HSD11B2: variants seen among roughly 807,000 people sequenced by gnomAD.
HSD11B2 encodes the protein 11-beta-hydroxysteroid dehydrogenase type 2.
A neutral mutation model predicts 20.9 loss-of-function variants in HSD11B2; 17 were observed. The observed-to-expected ratio is 0.81, with a 90% CI of 0.56 to 1.22. HSD11B2 has a LOEUF of 1.22. HSD11B2 is among the 50% of genes most tolerant of loss of function. HSD11B2 has a pLI of 0.00. For missense variants in HSD11B2, 480 were observed against 563.6 expected (o/e 0.85, Z 1.50); for synonymous variants, 253 against 255.4 (o/e 0.99, Z 0.09).
rs2040984559 is a variant in HSD11B2, at chr16:67,437,199, G to A, written c.*196G>A. ...CCAAGGTTTCCCAGTGAGCCTCTGC[G>A]CCTCTCCACTGTTTCATGAGCCCAA... On this transcript the variant is annotated 3_prime_UTR_variant, in exon 5 of 5. Transcript: ENST00000326152. 6 of 620,152 alleles carry A rather than the reference G, an allele frequency of 9.7e-6. No individual in the cohort carries two copies. The highest frequency in any genetic ancestry group is 3.9e-5 in the South Asian group (2 of 51,180). 38.4% of individuals were successfully genotyped at this position (620,152 alleles called of 1,614,324 possible).
At position 67,431,408 on chromosome 16, in the gene HSD11B2, C is replaced by G; in HGVS notation, c.160C>G (p.Pro54Ala). 1 of 1,279,390 alleles carries G rather than the reference C, an allele frequency of 7.8e-7. No individual in the cohort carries two copies. Among genetic ancestry groups the G allele is most frequent in the Non-Finnish European group, 9.8e-7 (1 of 1,015,594 alleles). 79.3% of individuals were successfully genotyped at this position (1,279,390 alleles called of 1,614,324 possible). A position where few individuals can be genotyped will look rare whatever the true frequency, so the allele number is the denominator to read the frequency against. ...CTGGCTGTGCCAGCGCCTGCTGCCC[C>G]CGCCGGCCGCACTCGCCGTGCTGGC... ...LDWLCQRLLPPPAALAVLAAA... is the reference protein window; with the variant it reads ...LDWLCQRLLPAPAALAVLAAA... Residue 54 changes from proline (P) to alanine (A), a missense_variant, in exon 1 of 5, where the codon CCG (proline) becomes GCG (alanine). Pro to Ala is a conservative substitution (Grantham distance 27). This residue lies in a region of HSD11B2 where 106 missense variants were observed against 82.8 expected (regional missense o/e 1.28). Coordinates refer to ENST00000326152, the MANE Select transcript of HSD11B2 (RefSeq NM_000196.4).
At chr16:67,433,779 C>T (rs962879109) in intron 1 of HSD11B2, among the ~76,000 whole-genome samples, 2 of 152,074 alleles carry the variant, frequency 1.3e-5, no homozygotes, top group Admixed American at 6.5e-5. Flanking sequence ...TACCCCTCCT[C>T]AGCAGGAGCT....
Position 67,436,766 on chromosome 16 carries a change from T to C in HSD11B2, c.981T>C (p.Asp327=), listed in dbSNP as rs1378377885. The C allele has an allele frequency of 4.2e-5, 67 of 1,613,884 alleles. No homozygotes were observed. The highest frequency in any genetic ancestry group is 5.7e-5 in the Non-Finnish European group (67 of 1,180,040). The stretch of plus-strand genomic sequence containing the variant: ...CCCCAGTTGTAGATGCCATCACAGA[T>C]GCGCTGCTGGCAGCTCGGCCCCGCC... ...DLTPVVDAIT[D]ALLAARPRRR... The change falls in exon 5 of 5, where the codon GAT becomes GAC. Residue 327 remains aspartate, a synonymous_variant. Transcript: ENST00000326152. The surrounding 1 kb of genome is among the most constrained non-coding windows in gnomAD (Gnocchi z 5.7).
chr16:67,430,391 A>G (rs1387063383), upstream of HSD11B2, among the ~76,000 whole-genome samples: 4 of 152,122 alleles, frequency 2.6e-5, no homozygotes, highest in Non-Finnish European at 1.5e-5. The surrounding 1 kb of genome is among the most constrained non-coding windows in gnomAD (Gnocchi z 5.4). Flanking sequence ...ACTGACCCCC[A>G]CACACATACA....
intron 1 of HSD11B2, among the ~76,000 whole-genome samples, chr16:67,435,202 CAAAA>C (rs61663548): frequency 6.3e-5 from 4 of 63,080 alleles, no homozygotes; most frequent in Admixed American, 5.3e-4. Flanking sequence ...GACCCTGTCT[CAAAA>C]AAAAAAAAAA....
In HSD11B2 at chr16:67,431,194, TCCCCGCTCCCCGGCCCGGCCCCCG is replaced by T; in HGVS notation, c.-48_-25del. 1 of 1,034,714 alleles carries T rather than the reference TCCCCGCTCCCCGGCCCGGCCCCCG, an allele frequency of 9.7e-7. No individual in the cohort carries two copies. Among genetic ancestry groups the T allele is most frequent in the Non-Finnish European group, 1.2e-6 (1 of 838,478 alleles). The allele number at this position is 1,034,714 out of a possible 1,614,324, so 64.1% of individuals were successfully genotyped here. A position where few individuals can be genotyped will look rare whatever the true frequency, so the allele number is the denominator to read the frequency against. The stretch of plus-strand genomic sequence containing the variant: ...CGCGCCCCGGCCTAGAAGCTCTCTC[TCCCCGCTCCCCGGCCCGGCCCCCG>T]CCCCGCCCCGCCCCAGCCCGCTGGG... On this transcript the variant is annotated 5_prime_UTR_variant, in exon 1 of 5. Transcript: ENST00000326152.
rs964433254 is a variant in HSD11B2, at chr16:67,431,220, C to T, written c.-29C>T. On this transcript the variant is annotated 5_prime_UTR_variant, in exon 1 of 5. Coordinates refer to ENST00000326152, the MANE Select transcript of HSD11B2 (RefSeq NM_000196.4). The stretch of plus-strand genomic sequence containing the variant: ...CCCCGCTCCCCGGCCCGGCCCCCGC[C>T]CCGCCCCGCCCCAGCCCGCTGGGCC... The T allele has an allele frequency of 4.3e-6, 5 of 1,165,116 alleles. No homozygotes were observed. The highest frequency in any genetic ancestry group is 1.6e-5 in the African/African-American group (1 of 61,324). The allele number at this position is 1,165,116 out of a possible 1,614,324, so 72.2% of individuals were successfully genotyped here.
intron 1 of HSD11B2, 75 bp from the exon 2 acceptor site, chr16:67,435,553 C>T: frequency 8.3e-7 from 1 of 1,204,418 alleles, no homozygotes; most frequent in Non-Finnish European, 1.2e-6. Flanking sequence ...CCCATCCAGA[C>T]CCTGGTGATT....
intron 1 of HSD11B2, among the ~76,000 whole-genome samples, chr16:67,433,837 G>A (rs1156587873): frequency 1.3e-5 from 2 of 151,004 alleles, no homozygotes; most frequent in African/African-American, 4.9e-5. Flanking sequence ...GTGGAGCTGA[G>A]ATGGGGAGAC....
intron 1 of HSD11B2, among the ~76,000 whole-genome samples, chr16:67,433,729 T>C (rs74026405): frequency 0.067 from 6,942 of 102,890 alleles, 222 homozygotes; most frequent in African/African-American, 0.26. Context: ...CACACACACA[T>C]ATGCTTGCCT....
Position 67,435,968 on chromosome 16 carries a change from C to A in HSD11B2, c.490C>A (p.Leu164Ile). 1 of 1,614,190 alleles carries A rather than the reference C, an allele frequency of 6.2e-7. No individual in the cohort carries two copies. The highest frequency in any genetic ancestry group is 8.5e-7 in the Non-Finnish European group (1 of 1,180,040). ...CTCTGTGACCCCAGGCCTGTGGGGC[C>A]TCGTCAACAACGCAGGCCACAATGA... Reference protein sequence around the residue: ...AHTTSTGLWGLVNNAGHNEVV... With the variant: ...AHTTSTGLWGIVNNAGHNEVV... The change falls in exon 3 of 5, where the codon CTC becomes ATC. Residue 164 changes from leucine to isoleucine, a missense_variant. Coordinates refer to ENST00000326152, the MANE Select transcript of HSD11B2 (RefSeq NM_000196.4).
Position 67,431,364 on chromosome 16 carries a change from C to T in HSD11B2, c.116C>T (p.Ala39Val). ...RLGRPLLAAL[A>V]LLAALDWLCQ... ...GGCCGCCCGCTGCTGGCGGCGCTGG[C>T]GCTGCTGGCCGCGCTCGACTGGCTG... Residue 39 changes from alanine (A) to valine (V), a missense_variant, in exon 1 of 5, where the codon GCG becomes GTG. Physicochemically the swap from Ala to Val is moderately conservative, Grantham distance 64 (BLOSUM62 0). Around this residue, in one of 2 missense-constraint regions of HSD11B2, gnomAD observed 106 missense variants for 82.8 expected, o/e 1.28. Coordinates refer to ENST00000326152, the MANE Select transcript of HSD11B2 (RefSeq NM_000196.4). The T allele has an allele frequency of 2.4e-6, 3 of 1,243,968 alleles. No individual in the cohort carries two copies. Among genetic ancestry groups the T allele is most frequent in the Non-Finnish European group, 3.0e-6 (3 of 985,338 alleles). 77.1% of individuals were successfully genotyped at this position (1,243,968 alleles called of 1,614,324 possible). A position where few individuals can be genotyped will look rare whatever the true frequency, so the allele number is the denominator to read the frequency against.
In HSD11B2 at chr16:67,431,301, G is replaced by T; in HGVS notation, c.53G>T (p.Arg18Leu). 1 of 1,262,100 alleles carries T rather than the reference G, an allele frequency of 7.9e-7. No homozygotes were observed. Among genetic ancestry groups the T allele is most frequent in the Non-Finnish European group, 1.0e-6 (1 of 993,422 alleles). 78.2% of individuals were successfully genotyped at this position (1,262,100 alleles called of 1,614,324 possible). Residue 18 changes from arginine (R) to leucine (L), a missense_variant, in exon 1 of 5, where the codon CGC becomes CTC. Arg to Leu is a moderately radical substitution (Grantham distance 102). This residue lies in a region of HSD11B2 where 106 missense variants were observed against 82.8 expected (regional missense o/e 1.28). Coordinates refer to ENST00000326152, the MANE Select transcript of HSD11B2 (RefSeq NM_000196.4). The stretch of plus-strand genomic sequence containing the variant: ...GGCGCCTGGCTGCTCGTGGCTGCCC[G>T]CGCGCTGCTGCAGCTGCTGCGCTCA... ...SGGAWLLVAARALLQLLRSDL... is the reference protein window; with the variant it reads ...SGGAWLLVAALALLQLLRSDL...
chr16:67,431,647 G>C, intron 1 of HSD11B2, 134 bp downstream of exon 1: 2 of 999,276 alleles, frequency 2.0e-6, no homozygotes, highest in Non-Finnish European at 2.5e-6. Context: ...TCCACCCCTG[G>C]GTGCAGGGAG....
At chr16:67,431,993 G>T (rs2040936987) in intron 1 of HSD11B2, among the ~76,000 whole-genome samples, 1 of 152,068 alleles carries the variant, frequency 6.6e-6, no homozygotes, top group African/African-American at 2.4e-5. Flanking sequence ...TCCCCCACTG[G>T]CTGGGATCCT....
At chr16:67,435,136 G>A (rs2142287978) in intron 1 of HSD11B2, among the ~76,000 whole-genome samples, 1 of 151,176 alleles carries the variant, frequency 6.6e-6, no homozygotes, top group East Asian at 1.9e-4. Context: ...CCCAGGAGGG[G>A]AGGTTGCAGT....
Position 67,437,193 on chromosome 16 carries a change from C to G in HSD11B2, c.*190C>G. ...GTGAGGCCAAGGTTTCCCAGTGAGC[C>G]TCTGCGCCTCTCCACTGTTTCATGA... On this transcript the variant is annotated 3_prime_UTR_variant, in exon 5 of 5. Coordinates refer to ENST00000326152, the MANE Select transcript of HSD11B2 (RefSeq NM_000196.4). 1 of 625,714 alleles carries G rather than the reference C, an allele frequency of 1.6e-6. No individual in the cohort carries two copies. The highest frequency in any genetic ancestry group is 2.8e-6 in the Non-Finnish European group (1 of 358,458). 38.8% of individuals were successfully genotyped at this position (625,714 alleles called of 1,614,324 possible).
At chr16:67,432,092 G>A (rs2040937562) in intron 1 of HSD11B2, among the ~76,000 whole-genome samples, 1 of 152,116 alleles carries the variant, frequency 6.6e-6, no homozygotes. Context: ...AAACTGCTGA[G>A]GCAGTAGTTT....
At position 67,431,259 on chromosome 16, in the gene HSD11B2, G is replaced by A; in HGVS notation, c.11G>A (p.Trp4Ter). 3.2e-6 allele frequency: 4 copies of A among 1,257,430 alleles called. No homozygotes were observed. Among genetic ancestry groups the A allele is most frequent in the Non-Finnish European group, 4.0e-6 (4 of 991,660 alleles). The allele number at this position is 1,257,430 out of a possible 1,614,324, so 77.9% of individuals were successfully genotyped here. A position where few individuals can be genotyped will look rare whatever the true frequency, so the allele number is the denominator to read the frequency against. The change falls in exon 1 of 5, where the codon TGG becomes TAG. Residue 4 changes from tryptophan (W) to a stop codon, truncating the protein, a stop_gained. Transcript: ENST00000326152. LOFTEE classifies it high-confidence loss of function. ...GCCCGCTGGGCCGCCATGGAGCGCT[G>A]GCCTTGGCCGTCGGGCGGCGCCTGG... is the stretch of plus-strand genomic sequence containing the variant. MER[W>*]PWPSGGAWLL... is the part of the protein sequence containing the mutation.
Sources: allele counts gnomAD v4.1 joint callset (sites outside exome capture counted in the v4.1 genomes callset), GRCh38; gene constraint gnomAD v4.1.1; regional missense constraint gnomAD v4.1.1; non-coding constraint Gnocchi (gnomAD v3.1); transcripts MANE v1.5; gene names NCBI Gene and HGNC (gene_info 2026-07-23, HGNC 2026-07-21).